NTNG2: variants seen among roughly 807,000 people sequenced by gnomAD.
The protein encoded by NTNG2 is netrin G2, also known as netrin-G2.
A neutral mutation model predicts 47.6 loss-of-function variants in NTNG2; 15 were observed. That is an observed-to-expected ratio of 0.32 (90% CI 0.21 to 0.49). The LOEUF is 0.49. Among genes scored for constraint, NTNG2 ranks in the 20% least tolerant of loss-of-function variants. NTNG2 has a pLI of 0.99. For missense variants in NTNG2, 578 were observed against 764.6 expected (o/e 0.76, Z 2.88); for synonymous variants, 307 against 324.6 (o/e 0.95, Z 0.58).
chr9:132,226,926 C>T lies in NTNG2; in HGVS notation c.935C>T (p.Thr312Ile), dbSNP rs540819595. ...CAGTGCGAGTGCGAGCACAACACCA[C>T]CGGCCCCGACTGCGGCAAGTGCAAG... Reference protein sequence around the residue: ...SLQCECEHNTTGPDCGKCKKN... With the variant: ...SLQCECEHNTIGPDCGKCKKN... Residue 312 changes from threonine (T) to isoleucine (I), a missense_variant, in exon 4 of 8, where the codon ACC becomes ATC. Transcript: ENST00000393229. The surrounding 1 kb of genome is among the most constrained non-coding windows in gnomAD (Gnocchi z 4.8). 44 of 1,613,026 alleles carry T rather than the reference C, an allele frequency of 2.7e-5. No individual in the cohort carries two copies. The South Asian group carries it at 4.0e-4, about 15-fold the overall frequency.
chr9:132,191,602 C>T (rs767002297), intron 2 of NTNG2, among the ~76,000 whole-genome samples: 8 of 151,820 alleles, frequency 5.3e-5, no homozygotes, highest in South Asian at 2.1e-4. Context: ...CTTGCTCTGT[C>T]GCCCAGGCTG....
At position 132,182,476 on chromosome 9, in the gene NTNG2, G is replaced by A. The variant is rs892100243; in HGVS notation, c.213+15432G>A. ...AAGGAGGAGGCCCAAGTGGGTGGGG[G>A]GCTGGGTGGCCTTCCTTGCTGTCTC... On this transcript the variant is annotated intron_variant, in intron 2 of 7. Transcript: ENST00000393229. This position sits in a 1 kb window ranked among gnomAD's most constrained non-coding sequence, Gnocchi z 4.2. Among the ~76,000 whole-genome samples, 13 of 152,274 alleles carry A rather than the reference G, an allele frequency of 8.5e-5. No individual in the cohort carries two copies. Among genetic ancestry groups the A allele is most frequent in the Admixed American group, 2.0e-4 (3 of 15,304 alleles).
rs11243684 is a variant in NTNG2, at chr9:132,242,354, G to A, written c.*243G>A. On this transcript the variant is annotated 3_prime_UTR_variant, in exon 8 of 8. Coordinates refer to ENST00000393229, the MANE Select transcript of NTNG2 (RefSeq NM_032536.4). The surrounding 1 kb of genome is among the most constrained non-coding windows in gnomAD (Gnocchi z 5.9). ...GTTTCGTTTTTCTTTTGTATTATCC[G>A]CCGCCCAGTTCCTTTTTTGTCTTTC... The A allele has an allele frequency of 0.4, 66,503 of 167,892 alleles. 14,026 individuals are homozygous for A. Among genetic ancestry groups the A allele is most frequent in the African/African-American group, 0.53 (21,784 of 41,092 alleles). 10.4% of individuals were successfully genotyped at this position (167,892 alleles called of 1,614,324 possible). A position where few individuals can be genotyped will look rare whatever the true frequency, so the allele number is the denominator to read the frequency against.
At position 132,236,618 on chromosome 9, in the gene NTNG2, C is replaced by T. The variant is rs1201102954; in HGVS notation, c.1055-2486C>T. On this transcript the variant is annotated intron_variant, in intron 5 of 7. Transcript: ENST00000393229. The surrounding 1 kb of genome is among the most constrained non-coding windows in gnomAD (Gnocchi z 4.3). ...GCATGTTTAGAGAGGGTCTGAGGCT[C>T]GGTTCCTAGAAACCTGGAGGACCTG... 6.6e-6 allele frequency among the ~76,000 whole-genome samples: 1 copy of T among 152,210 alleles called. No homozygotes were observed. The highest frequency in any genetic ancestry group is 1.5e-5 in the Non-Finnish European group (1 of 68,034).
chr9:132,213,576 GCCT>G (rs983651566), intron 3 of NTNG2, among the ~76,000 whole-genome samples: 6 of 152,148 alleles, frequency 3.9e-5, no homozygotes, highest in Non-Finnish European at 8.8e-5. Flanking sequence ...TGTTGCTTCA[GCCT>G]CCTCCTTCAT....
In NTNG2 at chr9:132,189,068, C is replaced by CTTTTTTTTTTTTTTTTTTTTTTTTTT. The variant is rs749756559; in HGVS notation, c.214-8896_214-8871dup. ...TATGTGAAAAAGGCTTTAAGCCTTT[C>CTTTTTTTTTTTTTTTTTTTTTTTTTT]TTTTTTTTTTTTTTTTTTTTTTTTT... On this transcript the variant is annotated intron_variant, in intron 2 of 7. Coordinates refer to ENST00000393229, the MANE Select transcript of NTNG2 (RefSeq NM_032536.4). 1.3e-4 allele frequency among the ~76,000 whole-genome samples: 12 copies of CTTTTTTTTTTTTTTTTTTTTTTTTTT among 93,280 alleles called. 3 individuals are homozygous for CTTTTTTTTTTTTTTTTTTTTTTTTTT. The highest frequency in any genetic ancestry group is 3.1e-4 in the East Asian group (1 of 3,274). 61.2% of individuals were successfully genotyped at this position (93,280 alleles called of 152,430 possible).
chr9:132,186,887 A>G (rs10751490), intron 2 of NTNG2, among the ~76,000 whole-genome samples: 84,745 of 152,174 alleles, frequency 0.56, 26,645 homozygotes, highest in African/African-American at 0.87. Flanking sequence ...GGAGTGTGGC[A>G]CAAAGGTGGG....
intron 4 of NTNG2, 133 bp downstream of exon 4, chr9:132,227,154 C>G: frequency 2.0e-6 from 2 of 987,000 alleles, no homozygotes. Context: ...TGCATGCAAA[C>G]GTGCACACAG....
chr9:132,190,232 CAAAAAAAAAAAA>C lies in NTNG2; in HGVS notation c.214-7716_214-7705del, dbSNP rs58974463. ...TGGGCGAAAGAGAGAGACTCCATCT[CAAAAAAAAAAAA>C]AAAAAAAAAAAAAAAAAGAAGGTTT... On this transcript the variant is annotated intron_variant, in intron 2 of 7. Transcript: ENST00000393229. 5.6e-3 allele frequency among the ~76,000 whole-genome samples: 394 copies of C among 69,914 alleles called. 2 individuals carry two copies. The highest frequency in any genetic ancestry group is 7.7e-3 in the Non-Finnish European group (284 of 36,702). 45.9% of individuals were successfully genotyped at this position (69,914 alleles called of 152,430 possible).
At chr9:132,229,916 A>G (rs1841068973) in intron 4 of NTNG2, among the ~76,000 whole-genome samples, 1 of 152,084 alleles carries the variant, frequency 6.6e-6, no homozygotes, top group Non-Finnish European at 1.5e-5. Context: ...GGCCTCCCCC[A>G]TCCCCTGGAC....
intron 6 of NTNG2, among the ~76,000 whole-genome samples, chr9:132,239,766 G>A (rs1192218956): frequency 1.3e-5 from 2 of 152,252 alleles, no homozygotes; most frequent in Non-Finnish European, 2.9e-5. Context: ...GTCCCTTCCC[G>A]TTCCTGGGCC....
At position 132,218,194 on chromosome 9, in the gene NTNG2, G is replaced by A. The variant is rs1414600807; in HGVS notation, c.858-8655G>A. On this transcript the variant is annotated intron_variant, in intron 3 of 7. Coordinates refer to ENST00000393229, the MANE Select transcript of NTNG2 (RefSeq NM_032536.4). This position sits in a 1 kb window ranked among gnomAD's most constrained non-coding sequence, Gnocchi z 5.4. ...CTCCTGCCACACAGGCCACCCGGGA[G>A]TGCAGACACTAAGTGTGGCTCTGAA... Among the ~76,000 whole-genome samples, 1 of 152,260 alleles carries A rather than the reference G, an allele frequency of 6.6e-6. No homozygotes were observed. The highest frequency in any genetic ancestry group is 1.5e-5 in the Non-Finnish European group (1 of 68,050).
chr9:132,200,085 G>T (rs537893696), intron 3 of NTNG2, among the ~76,000 whole-genome samples: 5 of 152,204 alleles, frequency 3.3e-5, no homozygotes, highest in Non-Finnish European at 5.9e-5. Context: ...GCTGGATTGT[G>T]GTGAGGGTTA....
At chr9:132,192,739 C>A (rs1001484574) in intron 2 of NTNG2, among the ~76,000 whole-genome samples, 4 of 152,082 alleles carry the variant, frequency 2.6e-5, no homozygotes, top group African/African-American at 9.7e-5. Flanking sequence ...AATTCTGAGA[C>A]CTTGGGGAGC....
At chr9:132,196,012 C>A (rs1317325760) in intron 2 of NTNG2, among the ~76,000 whole-genome samples, 2 of 152,034 alleles carry the variant, frequency 1.3e-5, no homozygotes, top group African/African-American at 4.8e-5. Flanking sequence ...CTCAAGTGAC[C>A]CTCCTGCCTC....
At position 132,198,033 on chromosome 9, in the gene NTNG2, T is replaced by C; in HGVS notation, c.281T>C (p.Leu94Pro). ...SNPDLAHPPR[L>P]MFDKEEEGLA... Reference sequence around the variant, plus strand: ...CCGGACCTGGCCCACCCGCCCAGGCTCATGTTCGACAAGGAGGAGGAGGGC... The same window carrying C: ...CCGGACCTGGCCCACCCGCCCAGGCCCATGTTCGACAAGGAGGAGGAGGGC... The change falls in exon 3 of 8, where the codon CTC becomes CCC. Residue 94 changes from leucine to proline, a missense_variant. Leu to Pro is a moderately conservative substitution (Grantham distance 98). Transcript: ENST00000393229. 6.2e-7 allele frequency: 1 copy of C among 1,613,468 alleles called. No individual in the cohort carries two copies. The highest frequency in any genetic ancestry group is 8.5e-7 in the Non-Finnish European group (1 of 1,179,978).
intron 1 of NTNG2, among the ~76,000 whole-genome samples, chr9:132,165,432 G>A (rs1835444009): frequency 6.6e-6 from 1 of 152,140 alleles, no homozygotes; most frequent in African/African-American, 2.4e-5. Flanking sequence ...GCCTTGATCA[G>A]AAAAATCTGA....
chr9:132,230,141 T>C (rs1256766537), intron 4 of NTNG2, among the ~76,000 whole-genome samples: 2 of 152,204 alleles, frequency 1.3e-5, no homozygotes, highest in African/African-American at 2.4e-5. Context: ...GGCTTCTCAG[T>C]GAGTTTTCCA....
At chr9:132,207,047 A>G (rs1839219698) in intron 3 of NTNG2, among the ~76,000 whole-genome samples, 1 of 152,244 alleles carries the variant, frequency 6.6e-6, no homozygotes, top group African/African-American at 2.4e-5. Flanking sequence ...GGAGCCCTGC[A>G]GGTGCTTGGG....
Sources: allele counts gnomAD v4.1 joint callset (sites outside exome capture counted in the v4.1 genomes callset), GRCh38; gene constraint gnomAD v4.1.1; non-coding constraint Gnocchi (gnomAD v3.1); transcripts MANE v1.5; gene names NCBI Gene and HGNC (gene_info 2026-07-23, HGNC 2026-07-21).